The following WWP1 variants were observed in gnomAD, a reference collection of about 807,000 sequenced individuals.
WWP1 encodes NEDD4-like E3 ubiquitin-protein ligase WWP1.
WWP1 carries 49 observed loss-of-function variants against 130.6 expected under a neutral mutation model. The observed-to-expected ratio is 0.38, with a 90% CI of 0.30 to 0.48. The LOEUF (loss-of-function observed/expected upper bound fraction) is 0.48. Ranked by LOEUF, WWP1 falls within the 20% of genes least tolerant of loss-of-function variation. WWP1 has a pLI of 0.99. For synonymous variants in WWP1, 332 were observed against 367.8 expected, an observed-to-expected ratio of 0.90 and a Z score of 1.11; for missense variants, 809 against 1,100.6, an observed-to-expected ratio of 0.74 and a Z score of 3.75.
chr8:86,461,479 C>T (rs1041340130), intron 23 of WWP1, 159 bp downstream of exon 23: 8 of 672,276 alleles, frequency 1.2e-5, no homozygotes, highest in South Asian at 1.9e-5. Context: ...TATCAAAGCA[C>T]TTGTAAGACA....
chr8:86,457,774 A>T, intron 21 of WWP1, 147 bp from the exon 22 acceptor site: 1 of 566,730 alleles, frequency 1.8e-6, no homozygotes, highest in East Asian at 3.1e-5. Flanking sequence ...CAGTTTTGTT[A>T]TATTTGCTTA....
At chr8:86,379,125 G>A (rs980886854) in intron 3 of WWP1, among the ~76,000 whole-genome samples, 6 of 152,122 alleles carry the variant, frequency 3.9e-5, no homozygotes, top group African/African-American at 7.2e-5. Flanking sequence ...CATATACTGA[G>A]GAAATATATG....
At chr8:86,438,451 A>G in intron 16 of WWP1, 134 bp from the exon 17 acceptor site, 1 of 633,366 alleles carries the variant, frequency 1.6e-6, no homozygotes. Flanking sequence ...AAACCAATTC[A>G]TCTCTTGAGT....
intron 1 of WWP1, among the ~76,000 whole-genome samples, chr8:86,361,199 A>G (rs1319297656): frequency 6.6e-6 from 1 of 152,170 alleles, no homozygotes; most frequent in Non-Finnish European, 1.5e-5. Flanking sequence ...AGCTGTGCTT[A>G]GTTTGGATGA....
Position 86,370,987 on chromosome 8 carries a change from T to C in WWP1, c.-22+1956T>C, listed in dbSNP as rs191917107. On this transcript the variant is annotated intron_variant, in intron 2 of 24. Transcript: ENST00000517970. ...TTTAAGTAATTCTCCTGCCTCAGCC[T>C]CCTGAGTAGCTGGGATTACAGGCAC... Among the ~76,000 whole-genome samples the C allele has an allele frequency of 1.8e-3, 258 of 147,086 alleles. 1 individual carries two copies. The highest frequency in any genetic ancestry group is 7.4e-3 in the Middle Eastern group (2 of 272).
At chr8:86,418,506 C>T (rs1290290083) in intron 9 of WWP1, among the ~76,000 whole-genome samples, 5 of 152,090 alleles carry the variant, frequency 3.3e-5, no homozygotes, top group African/African-American at 9.7e-5. Flanking sequence ...GTTAAGTGCA[C>T]CTCACTTAGC....
At chr8:86,427,548 GT>G (rs1369596702) in intron 10 of WWP1, 94 bp from the exon 11 acceptor site, 5 of 1,311,530 alleles carry the variant, frequency 3.8e-6, no homozygotes, top group Non-Finnish European at 4.1e-6. Context: ...ATTTTAACAT[GT>G]CTTGAACTTG....
At chr8:86,446,207 C>T (rs1810867228) in intron 18 of WWP1, among the ~76,000 whole-genome samples, 2 of 152,094 alleles carry the variant, frequency 1.3e-5, no homozygotes, top group African/African-American at 2.4e-5. Context: ...GTCTCGAACT[C>T]CTAACCTCAG....
At chr8:86,460,567 A>C (rs1008823767) in intron 22 of WWP1, among the ~76,000 whole-genome samples, 1 of 152,132 alleles carries the variant, frequency 6.6e-6, no homozygotes, top group African/African-American at 2.4e-5. Flanking sequence ...ACAACCCAAC[A>C]ACAACATCTA....
rs535240369 is a variant in WWP1, at chr8:86,390,540, A to G, written c.335-7802A>G. Among the ~76,000 whole-genome samples, 3 of 152,286 alleles carry G rather than the reference A, an allele frequency of 2.0e-5. No individual in the cohort carries two copies. The South Asian group carries it at 6.2e-4, about 32-fold the overall frequency. ...AAACCCCGTCTCCACCAAAAAATAC[A>G]AAAACCAGTCAGGCGTGGCAGCGGG... On this transcript the variant is annotated intron_variant, in intron 5 of 24. Coordinates refer to ENST00000517970, the MANE Select transcript of WWP1 (RefSeq NM_007013.4).
At chr8:86,358,237 G>C (rs953860538) in intron 1 of WWP1, among the ~76,000 whole-genome samples, 31 of 152,206 alleles carry the variant, frequency 2.0e-4, no homozygotes, top group African/African-American at 6.7e-4. Context: ...GGTGAGGTGA[G>C]CATGGACTTG....
intron 1 of WWP1, among the ~76,000 whole-genome samples, chr8:86,353,100 G>T (rs1036486629): frequency 2.0e-5 from 3 of 152,192 alleles, no homozygotes; most frequent in African/African-American, 7.2e-5. Flanking sequence ...GGTTGGTTGG[G>T]GGCATGATGT....
At chr8:86,435,372 A>G in intron 14 of WWP1, 80 bp from the exon 15 acceptor site, 1 of 1,446,250 alleles carries the variant, frequency 6.9e-7, no homozygotes, top group Non-Finnish European at 9.6e-7. Context: ...GTTGGACTTT[A>G]GTACACTCTG....
intron 9 of WWP1, among the ~76,000 whole-genome samples, chr8:86,422,484 C>T (rs1382559097): frequency 2.0e-5 from 3 of 151,686 alleles, no homozygotes; most frequent in East Asian, 1.9e-4. Flanking sequence ...ATCAGCATAC[C>T]GAGTAGCTTG....
At chr8:86,389,650 G>A (rs961806324) in intron 5 of WWP1, among the ~76,000 whole-genome samples, 3 of 152,182 alleles carry the variant, frequency 2.0e-5, no homozygotes, top group South Asian at 2.1e-4. Flanking sequence ...ATCATGGCCC[G>A]TTCTCAATGA....
In WWP1 at chr8:86,467,755, A is replaced by G. The variant is rs1172472632; in HGVS notation, c.*862A>G. ...GATGCAATTTCATACTTAGGAACAT[A>G]CAAAAGGTAATGTAAACTCTGCCAC... On this transcript the variant is annotated 3_prime_UTR_variant, in exon 25 of 25. Coordinates refer to ENST00000517970, the MANE Select transcript of WWP1 (RefSeq NM_007013.4). 3.9e-5 allele frequency: 6 copies of G among 152,200 alleles called. No individual in the cohort carries two copies. Among genetic ancestry groups the G allele is most frequent in the Non-Finnish European group, 8.8e-5 (6 of 68,010 alleles). The allele number at this position is 152,200 out of a possible 1,614,324, so 9.4% of individuals were successfully genotyped here.
chr8:86,356,396 T>A (rs1396075572), intron 1 of WWP1, among the ~76,000 whole-genome samples: 2 of 151,780 alleles, frequency 1.3e-5, no homozygotes, highest in Non-Finnish European at 2.9e-5. Context: ...TGATGTTCAC[T>A]AGGGTAAGGG....
intron 16 of WWP1, among the ~76,000 whole-genome samples, chr8:86,437,909 C>T (rs1810383595): frequency 6.6e-6 from 1 of 152,200 alleles, no homozygotes; most frequent in Admixed American, 6.5e-5. Flanking sequence ...ACACCATTCT[C>T]CTGCCTTAGC....
chr8:86,467,115 A>T lies in WWP1; in HGVS notation c.*222A>T. 2.4e-6 allele frequency: 1 copy of T among 408,584 alleles called. No individual in the cohort carries two copies. Among genetic ancestry groups the T allele is most frequent in the South Asian group, 3.6e-5 (1 of 27,874 alleles). The allele number at this position is 408,584 out of a possible 1,614,324, so 25.3% of individuals were successfully genotyped here. On this transcript the variant is annotated 3_prime_UTR_variant, in exon 25 of 25. Transcript: ENST00000517970. ...TGACCAGGAAAAAGATCATCCTTAA[A>T]TTTTGAAGCAAGTGAGAGACTTTAT...
Sources: allele counts gnomAD v4.1 joint callset (sites outside exome capture counted in the v4.1 genomes callset), GRCh38; gene constraint gnomAD v4.1.1; transcripts MANE v1.5; gene names NCBI Gene and HGNC (gene_info 2026-07-23, HGNC 2026-07-21).